FRY: variants seen among roughly 807,000 people sequenced by gnomAD.
FRY encodes the protein protein furry homolog.
FRY carries 128 observed loss-of-function variants against 348.4 expected under a neutral mutation model. The ratio of observed to expected loss-of-function variants is 0.37; its 90% CI spans 0.32 to 0.43. The LOEUF is 0.43. Ranked by LOEUF, FRY falls within the 20% of genes least tolerant of loss-of-function variation. The pLI is 1.00. For missense variants in FRY, 2,736 were observed against 3,695.2 expected (o/e 0.74, Z 6.73); for synonymous variants, 1,370 against 1,374.7 (o/e 1.00, Z 0.08).
chr13:32,093,454 C>T (rs1256070736), intron 2 of FRY, among the ~76,000 whole-genome samples: 1 of 152,286 alleles, frequency 6.6e-6, no homozygotes, highest in East Asian at 1.9e-4. Flanking sequence ...CTTTCCCGCT[C>T]TTTCCTTCAG....
chr13:32,251,824 G>A, intron 49 of FRY, 54 bp from the exon 50 acceptor site: 2 of 1,119,188 alleles, frequency 1.8e-6, no homozygotes, highest in South Asian at 2.5e-5. Flanking sequence ...GAAAATTAGA[G>A]CAGATTTGCT....
intron 31 of FRY, among the ~76,000 whole-genome samples, chr13:32,202,911 C>T (rs1004504721): frequency 6.7e-6 from 1 of 149,698 alleles, no homozygotes; most frequent in Admixed American, 6.7e-5. Context: ...ATTGCGCCAC[C>T]GTACCCCAAC....
At chr13:32,259,778 T>C (rs538606445) in intron 51 of FRY, among the ~76,000 whole-genome samples, 2 of 152,336 alleles carry the variant, frequency 1.3e-5, no homozygotes, top group South Asian at 2.1e-4. Context: ...TTTTGCCTCT[T>C]TCATATATTG....
intron 53 of FRY, among the ~76,000 whole-genome samples, chr13:32,263,718 G>A (rs977047507): frequency 1.3e-5 from 2 of 152,178 alleles, no homozygotes; most frequent in Admixed American, 6.5e-5. Flanking sequence ...CATAGAAAGT[G>A]CTACCTAAGG....
At chr13:32,207,888 A>T (rs1884446303) in intron 31 of FRY, among the ~76,000 whole-genome samples, 1 of 152,190 alleles carries the variant, frequency 6.6e-6, no homozygotes, top group South Asian at 2.1e-4. Flanking sequence ...TAACACCTGT[A>T]TGAGACCAAG....
intron 1 of FRY, among the ~76,000 whole-genome samples, chr13:32,064,479 T>G (rs1874124568): frequency 6.6e-6 from 1 of 152,076 alleles, no homozygotes. Flanking sequence ...TGTGTTTTTA[T>G]TCTATCATGC....
At chr13:32,198,653 G>C (rs1231807490) in intron 29 of FRY, among the ~76,000 whole-genome samples, 1 of 152,108 alleles carries the variant, frequency 6.6e-6, no homozygotes. Flanking sequence ...TAAAGGTCTT[G>C]GCACAGTACC....
chr13:32,045,159 T>C (rs1269814061), intron 1 of FRY, among the ~76,000 whole-genome samples: 3 of 152,198 alleles, frequency 2.0e-5, no homozygotes, highest in Non-Finnish European at 4.4e-5. Context: ...AGGACCCCTA[T>C]AGGGCTTAGT....
chr13:32,212,422 C>A, intron 35 of FRY, 40 bp downstream of exon 35: 1 of 1,140,194 alleles, frequency 8.8e-7, no homozygotes, highest in Non-Finnish European at 1.3e-6. Context: ...GTGTAATGTT[C>A]TGCAATAATC....
chr13:32,266,493 A>G (rs1194013713), intron 54 of FRY, among the ~76,000 whole-genome samples: 3 of 152,158 alleles, frequency 2.0e-5, no homozygotes, highest in Admixed American at 2.0e-4. Flanking sequence ...AATTTATATA[A>G]TTTTTCATAA....
At chr13:32,191,488 C>T (rs934455921) in intron 28 of FRY, among the ~76,000 whole-genome samples, 2 of 151,996 alleles carry the variant, frequency 1.3e-5, no homozygotes, top group Non-Finnish European at 2.9e-5. Flanking sequence ...AGCAGTTCAC[C>T]GAAGAGGTTA....
At chr13:32,116,468 G>A (rs955593173) in intron 3 of FRY, among the ~76,000 whole-genome samples, 2 of 152,038 alleles carry the variant, frequency 1.3e-5, no homozygotes, top group African/African-American at 4.8e-5. Flanking sequence ...GAAGTTTTTG[G>A]TTTTGAAGAG....
At chr13:32,139,415 C>G (rs960664811) in intron 11 of FRY, among the ~76,000 whole-genome samples, 1 of 152,204 alleles carries the variant, frequency 6.6e-6, no homozygotes, top group Admixed American at 6.5e-5. Flanking sequence ...ATCCCACATG[C>G]TGACCTTTGG....
At chr13:32,245,192 C>A (rs2138486142) in intron 47 of FRY, among the ~76,000 whole-genome samples, 1 of 152,212 alleles carries the variant, frequency 6.6e-6, no homozygotes, top group South Asian at 2.1e-4. Context: ...TCGTGATCCA[C>A]CGCCTCGGCC....
At chr13:32,093,086 T>A (rs1294158136) in intron 2 of FRY, among the ~76,000 whole-genome samples, 1 of 152,188 alleles carries the variant, frequency 6.6e-6, no homozygotes, top group Non-Finnish European at 1.5e-5. Context: ...CATAGCCAAT[T>A]CGTTACACAC....
At chr13:32,132,287 T>C (rs2138760393) in intron 8 of FRY, among the ~76,000 whole-genome samples, 1 of 151,730 alleles carries the variant, frequency 6.6e-6, no homozygotes, top group South Asian at 2.1e-4. Flanking sequence ...TGATATTTAT[T>C]GCCCAGTGCC....
intron 52 of FRY, among the ~76,000 whole-genome samples, chr13:32,262,104 C>T (rs985310589): frequency 6.6e-6 from 1 of 152,082 alleles, no homozygotes. Flanking sequence ...TAAAAATTCC[C>T]CAGATCTCTA....
intron 2 of FRY, among the ~76,000 whole-genome samples, chr13:32,100,599 C>A (rs893201807): frequency 6.6e-6 from 1 of 152,082 alleles, no homozygotes; most frequent in Non-Finnish European, 1.5e-5. Context: ...TATCACATTA[C>A]GTAAATTTTT....
At chr13:32,115,472 T>C in intron 3 of FRY, among the ~76,000 whole-genome samples, 1 of 152,178 alleles carries the variant, frequency 6.6e-6, no homozygotes, top group East Asian at 1.9e-4. Flanking sequence ...ACAATTTGTA[T>C]GGGCTTATGT....
Sources: gnomAD v4.1 joint callset for allele counts (sites outside exome capture counted in the v4.1 genomes callset) on GRCh38, gnomAD v4.1.1 for gene constraint, MANE v1.5 for transcripts, NCBI Gene and HGNC (gene_info 2026-07-23, HGNC 2026-07-21) for gene names.